Variants in NRXN2 observed in about 807,000 individuals in gnomAD.
The protein encoded by NRXN2 is neurexin 2.
NRXN2 carries 29 observed loss-of-function variants against 128.8 expected under a neutral mutation model. The ratio of observed to expected loss-of-function variants is 0.23; its 90% confidence interval spans 0.17 to 0.31. The LOEUF (loss-of-function observed/expected upper bound fraction) is 0.31, where lower values mean the gene tolerates loss of function less well. Among genes scored for constraint, NRXN2 ranks in the 10% least tolerant of loss-of-function variants. The pLI is 1.00. For synonymous variants in NRXN2, 1,098 were observed against 1,075.2 expected, an observed-to-expected ratio of 1.02 and a Z score of -0.41; for missense variants, 1,881 against 2,452.6, an observed-to-expected ratio of 0.77 and a Z score of 4.92.
intron 2 of NRXN2, among the ~76,000 whole-genome samples, chr11:64,702,403 T>G (rs1480724874): frequency 1.3e-5 from 2 of 151,958 alleles, no homozygotes; most frequent in Non-Finnish European, 2.9e-5. Context: ...ATGGTTGCCG[T>G]GTCTGTGTAG....
intron 15 of NRXN2, among the ~76,000 whole-genome samples, chr11:64,649,165 G>A (rs946573321): frequency 2.6e-5 from 4 of 152,150 alleles, no homozygotes; most frequent in Non-Finnish European, 5.9e-5. Context: ...GGGACAGCTG[G>A]AGGAACCTGC....
At position 64,713,013 on chromosome 11, in the gene NRXN2, G is replaced by C; in HGVS notation, c.687C>G (p.Cys229Trp). 1 of 1,484,388 alleles carries C rather than the reference G, an allele frequency of 6.7e-7. No individual in the cohort carries two copies. Among genetic ancestry groups the C allele is most frequent in the South Asian group, 1.3e-5 (1 of 79,306 alleles). The allele number at this position is 1,484,388 out of a possible 1,614,324, so 92.0% of individuals were successfully genotyped here. The stretch of plus-strand genomic sequence containing the variant: ...CGCCGAAGCCCGTGTGGCTGCAGTC[G>C]CAGCCCACCTCGCCGGGGGCCAGCA... ...CTVLAPGEVG[C>W]DCSHTGFGGK... is the part of the protein sequence containing the mutation. The change falls in exon 2 of 23, where the codon TGC (cysteine) becomes TGG (tryptophan). Residue 229 changes from cysteine to tryptophan, a missense_variant. Transcript: ENST00000265459.
intron 17 of NRXN2, among the ~76,000 whole-genome samples, chr11:64,647,247 G>A (rs535021121): frequency 6.6e-6 from 1 of 152,070 alleles, no homozygotes; most frequent in East Asian, 1.9e-4. Flanking sequence ...GCATGTGTGT[G>A]TGCGTGCCTG....
In NRXN2 at chr11:64,704,623, C is replaced by CACACAGAG. The variant is rs1336665936; in HGVS notation, c.731-6832_731-6831insCTCTGTGT. ...TCACACACACACACACACACACACA[C>CACACAGAG]AGAGAGAGAGAGAGAGAGAGAGAGA... On this transcript the variant is annotated intron_variant, in intron 2 of 22. Coordinates refer to ENST00000265459, the MANE Select transcript of NRXN2 (RefSeq NM_015080.4). Among the ~76,000 whole-genome samples, 584 of 81,210 alleles carry CACACAGAG rather than the reference C, an allele frequency of 7.2e-3. 6 individuals are homozygous for CACACAGAG. The highest frequency in any genetic ancestry group is 0.011 in the Non-Finnish European group (442 of 41,596). 53.3% of individuals were successfully genotyped at this position (81,210 alleles called of 152,430 possible). A position where few individuals can be genotyped will look rare whatever the true frequency, so the allele number is the denominator to read the frequency against.
chr11:64,650,361 AAGC>A, intron 15 of NRXN2, 84 bp downstream of exon 15: 1 of 1,383,602 alleles, frequency 7.2e-7, no homozygotes, highest in Non-Finnish European at 1.0e-6. Flanking sequence ...GAACCGAGGG[AAGC>A]AGCGTCGCAG....
chr11:64,610,955 C>G lies in NRXN2; in HGVS notation c.4253-2873G>C, dbSNP rs1045237482. 2.0e-5 allele frequency among the ~76,000 whole-genome samples: 3 copies of G among 152,208 alleles called. No individual in the cohort carries two copies. In the East Asian group the frequency reaches 5.8e-4, roughly 29 times the overall value. ...CCCTTCCCTGCTGACATCTCAGAGT[C>G]TGGCCAAACACCTCCTCTTCCAGGC... is the stretch of plus-strand genomic sequence containing the variant. On this transcript the variant is annotated intron_variant, in intron 22 of 22. Coordinates refer to ENST00000265459, the MANE Select transcript of NRXN2 (RefSeq NM_015080.4).
At chr11:64,655,157 C>T (rs1376159336) in intron 11 of NRXN2, among the ~76,000 whole-genome samples, 1 of 152,216 alleles carries the variant, frequency 6.6e-6, no homozygotes, top group Non-Finnish European at 1.5e-5. Flanking sequence ...TAAACTGATG[C>T]CCCTGTGGCT....
At position 64,651,229 on chromosome 11, in the gene NRXN2, C is replaced by T; in HGVS notation, c.2918+26G>A. 6.2e-7 allele frequency: 1 copy of T among 1,613,604 alleles called. No homozygotes were observed. The highest frequency in any genetic ancestry group is 1.3e-5 in the African/African-American group (1 of 75,042). Reference sequence around the variant, plus strand: ...CAGGGGGAGGGGGCCACCTCCTTGACAGCAGTGCAATCCCCAGCCCCTCAC... The same window carrying T: ...CAGGGGGAGGGGGCCACCTCCTTGATAGCAGTGCAATCCCCAGCCCCTCAC... On this transcript the variant is annotated intron_variant, in intron 14 of 22. Transcript: ENST00000265459. The surrounding 1 kb of genome is among the most constrained non-coding windows in gnomAD (Gnocchi z 5.9).
chr11:64,711,887 A>G (rs2056930494), intron 2 of NRXN2, among the ~76,000 whole-genome samples: 1 of 152,072 alleles, frequency 6.6e-6, no homozygotes, highest in African/African-American at 2.4e-5. Context: ...GTGAAAAAGA[A>G]ACACTCGCTT....
At chr11:64,683,152 A>C (rs2052537247) in intron 6 of NRXN2, among the ~76,000 whole-genome samples, 1 of 152,194 alleles carries the variant, frequency 6.6e-6, no homozygotes, top group Non-Finnish European at 1.5e-5. Context: ...GTGTTCTCAG[A>C]TCCTGGCACT....
At chr11:64,718,254 C>T (rs900512570) in intron 1 of NRXN2, among the ~76,000 whole-genome samples, 4 of 152,100 alleles carry the variant, frequency 2.6e-5, no homozygotes, top group Admixed American at 6.5e-5. Context: ...GCCCTCTCCC[C>T]GCATCCACAC....
At chr11:64,673,081 G>A (rs768359416) in intron 7 of NRXN2, among the ~76,000 whole-genome samples, 4 of 152,138 alleles carry the variant, frequency 2.6e-5, no homozygotes, top group African/African-American at 9.7e-5. Flanking sequence ...GAAACTCCTC[G>A]ATATCTGGCT....
rs547649422 is a variant in NRXN2 at position 64,620,287 on chromosome 11, C to A, written c.4252+7G>T. On this transcript the variant is annotated splice_region_variant and intron_variant, in intron 22 of 22. Transcript: ENST00000265459. ...CCCGGGGCAGGGGAGGGGGGAAAGGCACTCACCAGTACTGGGCTCACACTC... is the reference window on the plus strand; with the variant it reads ...CCCGGGGCAGGGGAGGGGGGAAAGGAACTCACCAGTACTGGGCTCACACTC... 36 of 1,550,284 alleles carry A rather than the reference C, an allele frequency of 2.3e-5. 1 individual carries two copies. In the East Asian group the frequency reaches 8.8e-4, roughly 38 times the overall value.
intron 22 of NRXN2, among the ~76,000 whole-genome samples, chr11:64,615,717 G>C (rs2041364617): frequency 6.6e-6 from 1 of 152,238 alleles, no homozygotes; most frequent in African/African-American, 2.4e-5. Context: ...CTGAACATGT[G>C]TGCATGCCCT....
At chr11:64,638,507 C>T (rs1216911000) in intron 17 of NRXN2, among the ~76,000 whole-genome samples, 8 of 152,132 alleles carry the variant, frequency 5.3e-5, no homozygotes, top group Non-Finnish European at 4.4e-5. Flanking sequence ...CCTCTCACCC[C>T]GGCAAGCTGT....
rs758157210 is a variant in NRXN2, at chr11:64,650,474, T to C, written c.3083A>G (p.Asn1028Ser). 63 of 1,613,876 alleles carry C rather than the reference T, an allele frequency of 3.9e-5. No individual in the cohort carries two copies. The highest frequency in any genetic ancestry group is 3.2e-4 in the South Asian group (29 of 91,072). The change falls in exon 15 of 23, where the codon AAT becomes AGT. Residue 1028 changes from asparagine (N) to serine (S), a missense_variant. Around this residue, in one of 7 missense-constraint regions of NRXN2, gnomAD observed 390 missense variants for 599.6 expected, o/e 0.65. Transcript: ENST00000265459. ...TTTGAGATCGAGGTTTCGGGCGCCA[T>C]TGGAGTGCTGCGTGACAGTGCGGGA... The part of the protein sequence containing the change: ...IDSRTVTQHS[N>S]GARNLDLKGE...
intron 7 of NRXN2, among the ~76,000 whole-genome samples, chr11:64,670,156 C>G (rs2050435160): frequency 6.6e-6 from 1 of 152,046 alleles, no homozygotes; most frequent in Admixed American, 6.5e-5. Flanking sequence ...GAGCTAAGCC[C>G]CACTCTCCAC....
chr11:64,627,620 C>T (rs1379506457), intron 19 of NRXN2, among the ~76,000 whole-genome samples: 3 of 152,070 alleles, frequency 2.0e-5, no homozygotes, highest in Non-Finnish European at 4.4e-5. Context: ...CAATCTCCAG[C>T]CCCTGGAGAC....
intron 17 of NRXN2, among the ~76,000 whole-genome samples, chr11:64,638,229 T>C (rs1468879254): frequency 2.0e-5 from 3 of 152,148 alleles, no homozygotes; most frequent in Non-Finnish European, 4.4e-5. Flanking sequence ...CTGCTGCCAG[T>C]TTATTACGCT....
Sources: gnomAD v4.1 joint callset for allele counts (sites outside exome capture counted in the v4.1 genomes callset) on GRCh38, gnomAD v4.1.1 for gene constraint, gnomAD v4.1.1 regional missense constraint, Gnocchi (gnomAD v3.1) non-coding constraint, MANE v1.5 for transcripts, NCBI Gene and HGNC (gene_info 2026-07-23, HGNC 2026-07-21) for gene names.